DCAF6: variants seen among roughly 807,000 people sequenced by gnomAD.
The protein encoded by DCAF6 is DDB1- and CUL4-associated factor 6.
In DCAF6, 54 loss-of-function variants were observed where a neutral mutation model predicts 125.1. The ratio of observed to expected loss-of-function variants is 0.43; its 90% CI spans 0.35 to 0.54. The LOEUF (loss-of-function observed/expected upper bound fraction) is 0.54. Ranked by LOEUF, DCAF6 falls within the 20% of genes least tolerant of loss-of-function variation. DCAF6 has a pLI of 0.01. For missense variants in DCAF6, 934 were observed against 1,161.7 expected (o/e 0.80, Z 2.85); for synonymous variants, 371 against 390.4 (o/e 0.95, Z 0.58).
In DCAF6 at chr1:167,987,594, G is replaced by C; in HGVS notation, c.538G>C (p.Glu180Gln). 12 of 1,574,624 alleles carry C rather than the reference G, an allele frequency of 7.6e-6. No homozygotes were observed. Among genetic ancestry groups the C allele is most frequent in the Non-Finnish European group, 1.0e-5 (12 of 1,145,598 alleles). The change falls in exon 5 of 22, where the codon GAA (glutamate) becomes CAA (glutamine). Residue 180 changes from glutamate (E) to glutamine (Q), a missense_variant. Coordinates refer to ENST00000367840, the MANE Select transcript of DCAF6 (RefSeq NM_001198956.2). ...ACGCATCAAAACTAGCTGCACAAAA[G>C]AAGATTGTAAAGATGTAAGAATTAA... Reference protein sequence around the residue: ...DTRIKTSCTKEDCKDDILINC... With the variant: ...DTRIKTSCTKQDCKDDILINC...
chr1:167,899,727 T>C, the DCAF6 span: 14 of 1,101,104 alleles, frequency 1.3e-5, no homozygotes, highest in African/African-American at 2.0e-4. Flanking sequence ...GGGACTATAC[T>C]ATCTCAGAGC....
chr1:167,996,008 T>C (rs202256), intron 7 of DCAF6, among the ~76,000 whole-genome samples: 10 of 152,210 alleles, frequency 6.6e-5, no homozygotes, highest in African/African-American at 2.4e-4. Flanking sequence ...GACTATGTTC[T>C]GTATAAGTAG....
intron 17 of DCAF6, among the ~76,000 whole-genome samples, chr1:168,061,200 G>A (rs538388623): frequency 1.7e-4 from 26 of 152,194 alleles, no homozygotes; most frequent in African/African-American, 4.3e-4. Flanking sequence ...CAGCTTTTCT[G>A]GGAGTTTCTA....
At chr1:167,876,043 G>C in the DCAF6 span, among the ~76,000 whole-genome samples, 2 of 152,052 alleles carry the variant, frequency 1.3e-5, no homozygotes, top group Admixed American at 6.5e-5. Flanking sequence ...GATCATCTGA[G>C]GTCAGGAGTT....
the DCAF6 span, among the ~76,000 whole-genome samples, chr1:167,925,616 G>A: frequency 3.2e-4 from 46 of 142,472 alleles, no homozygotes; most frequent in African/African-American, 1.1e-3. Flanking sequence ...GCACAATCTC[G>A]GCTCACTGCA....
intron 2 of DCAF6, among the ~76,000 whole-genome samples, chr1:167,964,203 C>T (rs746933419): frequency 2.6e-5 from 4 of 152,156 alleles, no homozygotes; most frequent in Non-Finnish European, 5.9e-5. Context: ...CTTTAAAGAA[C>T]TCCTTTTGTA....
At chr1:167,950,415 C>G (rs576051086) in intron 1 of DCAF6, among the ~76,000 whole-genome samples, 1 of 152,278 alleles carries the variant, frequency 6.6e-6, no homozygotes, top group Admixed American at 6.5e-5. Flanking sequence ...TACTGAATTT[C>G]TCTAGGTTGT....
chr1:167,892,217 C>G, the DCAF6 span, among the ~76,000 whole-genome samples: 3 of 152,200 alleles, frequency 2.0e-5, no homozygotes, highest in Non-Finnish European at 2.9e-5. Flanking sequence ...AGTGATCCAC[C>G]TGTCTGGGCT....
the DCAF6 span, among the ~76,000 whole-genome samples, chr1:167,879,343 T>C: frequency 6.6e-6 from 1 of 152,234 alleles, no homozygotes. Context: ...CTTGTAAGCC[T>C]TCAATTAATA....
At chr1:167,985,582 T>C (rs947598188) in intron 4 of DCAF6, among the ~76,000 whole-genome samples, 3 of 152,184 alleles carry the variant, frequency 2.0e-5, no homozygotes, top group African/African-American at 7.2e-5. Flanking sequence ...ATAATCTCCT[T>C]ATGGTCAAAA....
the DCAF6 span, among the ~76,000 whole-genome samples, chr1:167,872,201 G>A: frequency 2.0e-4 from 31 of 152,226 alleles, no homozygotes; most frequent in African/African-American, 7.0e-4. Context: ...AGCCGGGCGT[G>A]GTGGTGCATG....
At chr1:168,045,475 T>A (rs1689053503) in intron 16 of DCAF6, among the ~76,000 whole-genome samples, 1 of 152,242 alleles carries the variant, frequency 6.6e-6, no homozygotes, top group Admixed American at 6.5e-5. Flanking sequence ...GGCTTGCTTC[T>A]GAATTTACAG....
chr1:168,031,471 A>G (rs1272073120), intron 12 of DCAF6, among the ~76,000 whole-genome samples: 1 of 152,198 alleles, frequency 6.6e-6, no homozygotes, highest in African/African-American at 2.4e-5. Flanking sequence ...CACTTTCACT[A>G]GAGTGATAGA....
chr1:168,011,439 T>G (rs1396857472), intron 10 of DCAF6, among the ~76,000 whole-genome samples: 1 of 152,144 alleles, frequency 6.6e-6, no homozygotes, highest in Non-Finnish European at 1.5e-5. Flanking sequence ...AGATAGCATA[T>G]GATGTGGTCT....
rs184505062 is a variant in DCAF6, at chr1:167,966,902, G to A, written c.252+181G>A. Among the ~76,000 whole-genome samples the A allele has an allele frequency of 1.6e-4, 24 of 151,920 alleles. No homozygotes were observed. In the East Asian group the frequency reaches 4.6e-3, roughly 29 times the overall value. On this transcript the variant is annotated intron_variant, in intron 3 of 21. Coordinates refer to ENST00000367840, the MANE Select transcript of DCAF6 (RefSeq NM_001198956.2). ...CATGTGGGTCTCTTAGATTACTTAG[G>A]GAAACAAGATTTTATTCAGCCTTGG...
chr1:168,028,651 A>G (rs1686657132), intron 12 of DCAF6, among the ~76,000 whole-genome samples: 1 of 152,210 alleles, frequency 6.6e-6, no homozygotes, highest in South Asian at 2.1e-4. Flanking sequence ...ACTAGTGGAT[A>G]ATCAAAAACC....
intron 2 of DCAF6, among the ~76,000 whole-genome samples, chr1:167,960,759 A>G (rs1431429019): frequency 1.3e-5 from 2 of 152,194 alleles, no homozygotes; most frequent in African/African-American, 2.4e-5. Context: ...CTGTCTTGGT[A>G]AATGTTCCAT....
chr1:168,035,413 C>T (rs933140260), intron 12 of DCAF6, among the ~76,000 whole-genome samples: 2 of 152,138 alleles, frequency 1.3e-5, no homozygotes, highest in Admixed American at 6.5e-5. Flanking sequence ...CGCCACTGCA[C>T]TCCAACCTGG....
At chr1:167,894,423 C>T in the DCAF6 span, among the ~76,000 whole-genome samples, 1 of 152,032 alleles carries the variant, frequency 6.6e-6, no homozygotes, top group South Asian at 2.1e-4. Context: ...TGGTTGCCTC[C>T]TATTTCCTCA....
Sources: allele counts gnomAD v4.1 joint callset (sites outside exome capture counted in the v4.1 genomes callset), GRCh38; gene constraint gnomAD v4.1.1; transcripts MANE v1.5; gene names NCBI Gene and HGNC (gene_info 2026-07-23, HGNC 2026-07-21).